UST: variants seen among roughly 807,000 people sequenced by gnomAD.
The protein encoded by UST is chondroitin sulfate 2-O-sulfotransferase.
Under a neutral mutation model 45.6 loss-of-function variants are expected in UST, and 21 were observed. The observed-to-expected ratio is 0.46, with a 90% confidence interval of 0.33 to 0.66. The LOEUF is 0.66. UST is among the 30% of genes least tolerant of loss of function. The probability of loss-of-function intolerance (pLI) is 0.02; values close to 1 mark genes in which losing one functional copy is unlikely to be tolerated. For synonymous variants in UST, 215 were observed against 200.6 expected (o/e 1.07, Z -0.61); for missense variants, 463 against 512.4 (o/e 0.90, Z 0.93).
intron 7 of UST, among the ~76,000 whole-genome samples, chr6:149,037,301 C>A (rs187782322): frequency 6.6e-6 from 1 of 152,314 alleles, no homozygotes; most frequent in East Asian, 1.9e-4. Context: ...AATCGTATAA[C>A]CACTCCATTT....
chr6:149,059,659 G>T (rs911749710), intron 7 of UST, among the ~76,000 whole-genome samples: 1 of 152,124 alleles, frequency 6.6e-6, no homozygotes, highest in African/African-American at 2.4e-5. Flanking sequence ...ATTGAGCTTA[G>T]TCGGTGCTCA....
rs7450766 is a variant in UST at position 148,747,175 on chromosome 6, C to G, written c.-256C>G. ...GGGGCGTGGGGACGCTAGCGGGCGC[C>G]GGACGGGCGCGGCGCCCCGTCACGG... On this transcript the variant is annotated 5_prime_UTR_variant, in exon 1 of 8. Coordinates refer to ENST00000367463, the MANE Select transcript of UST (RefSeq NM_005715.3). 0.68 allele frequency among the ~76,000 whole-genome samples: 100,645 copies of G among 148,942 alleles called. 34,557 individuals carry two copies. The highest frequency in any genetic ancestry group is 0.78 in the African/African-American group (32,175 of 41,168).
chr6:149,010,327 T>C (rs1775784673), intron 5 of UST, among the ~76,000 whole-genome samples: 1 of 152,200 alleles, frequency 6.6e-6, no homozygotes, highest in Non-Finnish European at 1.5e-5. Flanking sequence ...ACCATTGTAG[T>C]TGTGGGCTCC....
At chr6:148,891,604 C>T (rs1779019450) in intron 2 of UST, among the ~76,000 whole-genome samples, 2 of 144,290 alleles carry the variant, frequency 1.4e-5, no homozygotes, top group African/African-American at 5.5e-5. Flanking sequence ...CTTGGGATTC[C>T]AGCCCAGGGC....
At chr6:148,877,227 G>T (rs1428931697) in intron 1 of UST, among the ~76,000 whole-genome samples, 30 of 32,758 alleles carry the variant, frequency 9.2e-4, no homozygotes, top group African/African-American at 3.6e-3. Context: ...GGGGGATCGT[G>T]TGTGGGTGCG....
Position 148,747,570 on chromosome 6 carries a change from A to C in UST, c.140A>C (p.Asp47Ala), listed in dbSNP as rs1419972549. The C allele has an allele frequency of 1.9e-6, 3 of 1,584,804 alleles. No individual in the cohort carries two copies. Among genetic ancestry groups the C allele is most frequent in the African/African-American group, 2.7e-5 (2 of 73,544 alleles). Residue 47 changes from aspartate (D) to alanine (A), a missense_variant, in exon 1 of 8, where the codon GAC (aspartate) becomes GCC (alanine). By Grantham distance (126) the Asp-to-Ala change is moderately radical. Coordinates refer to ENST00000367463, the MANE Select transcript of UST (RefSeq NM_005715.3). ...LLPFLRFSLR[D>A]YGFCMATLLV... ...CCTTTCCTGCGCTTCTCCCTCCGGG[A>C]CTACGGCTTCTGCATGGCCACCCTG... is the stretch of plus-strand genomic sequence containing the variant.
chr6:148,773,666 A>C (rs1331725150), intron 1 of UST, among the ~76,000 whole-genome samples: 1 of 152,184 alleles, frequency 6.6e-6, no homozygotes, highest in East Asian at 1.9e-4. Flanking sequence ...TTTTGTTCAC[A>C]TATTTTTGTA....
chr6:149,041,630 G>A (rs185890991), intron 7 of UST, among the ~76,000 whole-genome samples: 3 of 152,282 alleles, frequency 2.0e-5, no homozygotes, highest in East Asian at 3.9e-4. Flanking sequence ...GGTGAAATGC[G>A]CCGCTGTTCA....
At chr6:148,915,386 G>A (rs1342032145) in intron 2 of UST, among the ~76,000 whole-genome samples, 1 of 152,110 alleles carries the variant, frequency 6.6e-6, no homozygotes, top group Non-Finnish European at 1.5e-5. Context: ...GGCCCCTGGA[G>A]CTCTAGCCAT....
chr6:148,984,694 C>T (rs1019267189), intron 5 of UST, among the ~76,000 whole-genome samples: 8 of 152,130 alleles, frequency 5.3e-5, no homozygotes, highest in East Asian at 1.9e-4. Flanking sequence ...ACTACCCTAG[C>T]GAATGGGGCC....
chr6:149,072,267 A>G (rs1257889491), intron 7 of UST, among the ~76,000 whole-genome samples: 1 of 152,242 alleles, frequency 6.6e-6, no homozygotes, highest in African/African-American at 2.4e-5. Context: ...TAATAAGCAA[A>G]AGATGGAAAC....
intron 5 of UST, among the ~76,000 whole-genome samples, chr6:148,993,455 A>C (rs1311126899): frequency 2.0e-5 from 3 of 152,170 alleles, no homozygotes; most frequent in African/African-American, 7.2e-5. Flanking sequence ...TAGACTTATT[A>C]TACTTGGAGA....
At chr6:148,834,871 T>C (rs889246568) in intron 1 of UST, among the ~76,000 whole-genome samples, 1 of 152,188 alleles carries the variant, frequency 6.6e-6, no homozygotes, top group Non-Finnish European at 1.5e-5. Context: ...ATAAATTTCT[T>C]CCACAGTTTG....
chr6:149,048,756 A>G (rs1372027444), intron 7 of UST, among the ~76,000 whole-genome samples: 1 of 152,192 alleles, frequency 6.6e-6, no homozygotes, highest in Non-Finnish European at 1.5e-5. Context: ...CAAATACACT[A>G]AGAAATAAGC....
At chr6:148,943,806 A>G (rs1289821765) in intron 3 of UST, among the ~76,000 whole-genome samples, 1 of 152,212 alleles carries the variant, frequency 6.6e-6, no homozygotes, top group Non-Finnish European at 1.5e-5. Context: ...TTTCTATTAA[A>G]TTGTAAGGCA....
intron 1 of UST, among the ~76,000 whole-genome samples, chr6:148,879,690 A>G (rs975805551): frequency 6.6e-6 from 1 of 152,246 alleles, no homozygotes; most frequent in African/African-American, 2.4e-5. Flanking sequence ...TAGTACTGCT[A>G]GTGAACAGTT....
rs1776318506 is a variant in UST, at chr6:149,041,815, G to A, written c.937+20334G>A. Among the ~76,000 whole-genome samples, 8 of 152,046 alleles carry A rather than the reference G, an allele frequency of 5.3e-5. No homozygotes were observed. In the South Asian group the frequency reaches 1.7e-3, roughly 32 times the overall value. On this transcript the variant is annotated intron_variant, in intron 7 of 7. Coordinates refer to ENST00000367463, the MANE Select transcript of UST (RefSeq NM_005715.3). ...CACCCTCTCCATGCTGACCACCCTT[G>A]GCACCAGAACCGTCCTCTCCTAAAA... is the stretch of plus-strand genomic sequence containing the variant.
rs1015534618 is a variant in UST at position 149,004,095 on chromosome 6, A to G, written c.682-15044A>G. On this transcript the variant is annotated intron_variant, in intron 5 of 7. Transcript: ENST00000367463. ...CATAGTATTTAATGCTATTGAATAT[A>G]GTATTTAATGTATTTAATATAATAT... is the stretch of plus-strand genomic sequence containing the variant. 2.7e-4 allele frequency among the ~76,000 whole-genome samples: 41 copies of G among 152,180 alleles called. 1 individual carries two copies. Among genetic ancestry groups the G allele is most frequent in the Admixed American group, 5.2e-4 (8 of 15,284 alleles).
intron 1 of UST, among the ~76,000 whole-genome samples, chr6:148,775,043 G>T (rs1184202315): frequency 6.6e-6 from 1 of 152,012 alleles, no homozygotes; most frequent in Non-Finnish European, 1.5e-5. Flanking sequence ...AAGAGTGCAT[G>T]AAAGAAAAGC....
Sources: allele counts gnomAD v4.1 joint callset (sites outside exome capture counted in the v4.1 genomes callset), GRCh38; gene constraint gnomAD v4.1.1; transcripts MANE v1.5; gene names NCBI Gene and HGNC (gene_info 2026-07-23, HGNC 2026-07-21).